The following GPR155 variants were observed in gnomAD, a reference collection of about 807,000 sequenced individuals.
GPR155 encodes the protein G protein-coupled receptor 155, also known as lysosomal cholesterol signaling protein.
GPR155 carries 65 observed loss-of-function variants against 93.1 expected under a neutral mutation model. That is an observed-to-expected ratio of 0.70 (90% CI 0.57 to 0.86). The LOEUF is 0.86. Ranked by LOEUF, GPR155 falls within the 40% of genes least tolerant of loss-of-function variation. The pLI, the probability that GPR155 is intolerant of heterozygous loss-of-function variation, is 0.00. For missense variants in GPR155, 838 were observed against 1,034.8 expected, an observed-to-expected ratio of 0.81 and a Z score of 2.61; for synonymous variants, 319 against 360.1, an observed-to-expected ratio of 0.89 and a Z score of 1.29.
chr2:174,457,768 T>A (rs1687562432), intron 10 of GPR155, among the ~76,000 whole-genome samples: 1 of 152,106 alleles, frequency 6.6e-6, no homozygotes, highest in Non-Finnish European at 1.5e-5. Context: ...ACTTTTTTTT[T>A]AAAGACAGGA....
chr2:174,472,853 G>T, intron 3 of GPR155, 112 bp downstream of exon 3: 1 of 774,632 alleles, frequency 1.3e-6, no homozygotes. Context: ...TATTCTACAA[G>T]GAGGGGTTAT....
intron 11 of GPR155, among the ~76,000 whole-genome samples, chr2:174,448,727 C>T (rs978881153): frequency 2.6e-5 from 4 of 151,248 alleles, no homozygotes; most frequent in African/African-American, 7.3e-5. Context: ...TTAGTAGAGA[C>T]GGGGTTTCAC....
At chr2:174,443,109 T>G (rs1412032646) in intron 13 of GPR155, among the ~76,000 whole-genome samples, 1 of 152,192 alleles carries the variant, frequency 6.6e-6, no homozygotes, top group African/African-American at 2.4e-5. Context: ...TTCAACTCAG[T>G]ATTTTATAGT....
In GPR155 at chr2:174,473,143, C is replaced by G; in HGVS notation, c.682G>C (p.Ala228Pro). The G allele has an allele frequency of 6.2e-7, 1 of 1,611,252 alleles. No homozygotes were observed. The highest frequency in any genetic ancestry group is 8.5e-7 in the Non-Finnish European group (1 of 1,179,242). The change falls in exon 3 of 16, where the codon GCC (alanine) becomes CCC (proline). Residue 228 changes from alanine to proline, a missense_variant. Coordinates refer to ENST00000392552, the MANE Select transcript of GPR155 (RefSeq NM_152529.7). ...TTTCGATCAAGAATAAAATTGAAGG[C>G]GATGCCAATGAAGACCATAAATACT... is the stretch of plus-strand genomic sequence containing the variant. Reference protein sequence around the residue: ...PIVFMVFIGIAFNFILDRKVP... With the variant: ...PIVFMVFIGIPFNFILDRKVP...
Position 174,435,969 on chromosome 2 carries a change from G to A in GPR155, c.*147C>T. 2 of 633,440 alleles carry A rather than the reference G, an allele frequency of 3.2e-6. No individual in the cohort carries two copies. Among genetic ancestry groups the A allele is most frequent in the South Asian group, 4.0e-5 (2 of 49,986 alleles). The allele number at this position is 633,440 out of a possible 1,614,324, so 39.2% of individuals were successfully genotyped here. A position where few individuals can be genotyped will look rare whatever the true frequency, so the allele number is the denominator to read the frequency against. On this transcript the variant is annotated 3_prime_UTR_variant, in exon 16 of 16. Transcript: ENST00000392552. ...TAAAATCACAGACCCTGCGCATGTG[G>A]TGGGAGCACATCTTTTCACATTTTA...
chr2:174,481,715 G>A lies in GPR155; in HGVS notation c.242C>T (p.Ala81Val), dbSNP rs746931141. 3.7e-6 allele frequency: 6 copies of A among 1,614,068 alleles called. No individual in the cohort carries two copies. The highest frequency in any genetic ancestry group is 1.1e-5 in the South Asian group (1 of 91,082). ...KGLGNFVSRFALPALLFKNMV... is the reference protein window; with the variant it reads ...KGLGNFVSRFVLPALLFKNMV... ...GTTTTTGAATAATAAAGCTGGAAGTGCAAATCTGGAGACAAAATTTCCTAG... is the reference window on the plus strand; with the variant it reads ...GTTTTTGAATAATAAAGCTGGAAGTACAAATCTGGAGACAAAATTTCCTAG... Residue 81 changes from alanine to valine, a missense_variant, in exon 2 of 16, where the codon GCA (alanine) becomes GTA (valine). Coordinates refer to ENST00000392552, the MANE Select transcript of GPR155 (RefSeq NM_152529.7).
chr2:174,440,345 C>G (rs1452438576), intron 14 of GPR155, among the ~76,000 whole-genome samples: 1 of 152,142 alleles, frequency 6.6e-6, no homozygotes, highest in African/African-American at 2.4e-5. Context: ...ATGTTCCTTA[C>G]TCTACATTCT....
intron 11 of GPR155, among the ~76,000 whole-genome samples, chr2:174,447,546 C>A (rs1019320887): frequency 7.0e-6 from 1 of 143,332 alleles, no homozygotes; most frequent in African/African-American, 2.5e-5. Context: ...GTAATTTGTG[C>A]ATATTATATA....
intron 10 of GPR155, among the ~76,000 whole-genome samples, chr2:174,459,356 A>T (rs973575200): frequency 6.6e-6 from 1 of 152,180 alleles, no homozygotes; most frequent in African/African-American, 2.4e-5. Context: ...GGTCCAGGGA[A>T]GTTTTAGGAT....
At chr2:174,464,355 A>T (rs901063258) in intron 7 of GPR155, among the ~76,000 whole-genome samples, 24 of 152,200 alleles carry the variant, frequency 1.6e-4, no homozygotes, top group African/African-American at 4.6e-4. Context: ...ATTAAAGTTT[A>T]AAAAAAGTAA....
rs1687221597 is a variant in GPR155 at position 174,448,563 on chromosome 2, C to T, written c.1877-1816G>A. 1.6e-5 allele frequency among the ~76,000 whole-genome samples: 2 copies of T among 128,262 alleles called. 1 individual carries two copies. Among genetic ancestry groups the T allele is most frequent in the South Asian group, 5.2e-4 (2 of 3,834 alleles). The allele number at this position is 128,262 out of a possible 152,430, so 84.1% of individuals were successfully genotyped here. ...TTTTTTTTTTTGAGACGGAGTCTCG[C>T]TCTGTCGCCCAGGCCGGACTGCGGA... is the stretch of plus-strand genomic sequence containing the variant. On this transcript the variant is annotated intron_variant, in intron 11 of 15. Coordinates refer to ENST00000392552, the MANE Select transcript of GPR155 (RefSeq NM_152529.7).
At position 174,432,795 on chromosome 2, in the gene GPR155, A is replaced by C. The variant is rs1686674081; in HGVS notation, c.*3321T>G. 1 of 124,424 alleles carries C rather than the reference A, an allele frequency of 8.0e-6. No individual in the cohort carries two copies. Among genetic ancestry groups the C allele is most frequent in the Admixed American group, 1.0e-4 (1 of 9,874 alleles). 7.7% of individuals were successfully genotyped at this position (124,424 alleles called of 1,614,324 possible). On this transcript the variant is annotated 3_prime_UTR_variant, in exon 16 of 16. Coordinates refer to ENST00000392552, the MANE Select transcript of GPR155 (RefSeq NM_152529.7). ...TTTTTTTTTTTTGCGATGGAGTCTC[A>C]CTCTGTCGCCCAGGCTGGAGTGCAG...
chr2:174,481,247 T>C (rs2105740539), intron 2 of GPR155, among the ~76,000 whole-genome samples: 1 of 152,282 alleles, frequency 6.6e-6, no homozygotes, highest in Non-Finnish European at 1.5e-5. Context: ...TCATATGTGC[T>C]TACCGGGAAG....
chr2:174,448,523 GTTTTTTGTTTT>G lies in GPR155; in HGVS notation c.1877-1787_1877-1777del, dbSNP rs1263408065. Among the ~76,000 whole-genome samples the G allele has an allele frequency of 5.2e-3, 533 of 102,928 alleles. 7 individuals are homozygous for G. Among genetic ancestry groups the G allele is most frequent in the African/African-American group, 0.025 (506 of 20,024 alleles). 67.5% of individuals were successfully genotyped at this position (102,928 alleles called of 152,430 possible). A position where few individuals can be genotyped will look rare whatever the true frequency, so the allele number is the denominator to read the frequency against. ...TATACTGGGAAGTTTTTTGTTTTTT[GTTTTTTGTTTT>G]TTTTTTTTTTTTTTGAGACGGAGTC... On this transcript the variant is annotated intron_variant, in intron 11 of 15. Transcript: ENST00000392552.
chr2:174,481,138 CACAA>C (rs996098992), intron 2 of GPR155, among the ~76,000 whole-genome samples: 6 of 152,164 alleles, frequency 3.9e-5, no homozygotes, highest in Non-Finnish European at 7.3e-5. Context: ...AAATTCCTTT[CACAA>C]ACACTTAATA....
intron 15 of GPR155, 125 bp downstream of exon 15, chr2:174,439,773 A>T: frequency 1.4e-6 from 1 of 726,278 alleles, no homozygotes; most frequent in South Asian, 1.8e-5. Flanking sequence ...TAACTTTTAC[A>T]TGCATATGTA....
intron 10 of GPR155, among the ~76,000 whole-genome samples, chr2:174,459,282 T>C (rs1687610824): frequency 6.6e-6 from 1 of 152,172 alleles, no homozygotes; most frequent in Admixed American, 6.5e-5. Context: ...TAAATTAACT[T>C]ATGTATGTGC....
chr2:174,468,879 G>T, intron 5 of GPR155, 33 bp downstream of exon 5: 1 of 1,566,840 alleles, frequency 6.4e-7, no homozygotes, highest in East Asian at 2.2e-5. Flanking sequence ...TCATTCTGTG[G>T]TTTCCATTCA....
At chr2:174,483,553 TC>T (rs1688390130) in intron 1 of GPR155, among the ~76,000 whole-genome samples, 1 of 152,112 alleles carries the variant, frequency 6.6e-6, no homozygotes, top group Non-Finnish European at 1.5e-5. Flanking sequence ...TTTATTAGTA[TC>T]TTGAAATTAA....
Sources: gnomAD v4.1 joint callset for allele counts (sites outside exome capture counted in the v4.1 genomes callset) on GRCh38, gnomAD v4.1.1 for gene constraint, MANE v1.5 for transcripts, NCBI Gene and HGNC (gene_info 2026-07-23, HGNC 2026-07-21) for gene names.